Variants in WNK1 observed in about 807,000 individuals in gnomAD.
WNK1 encodes the protein WNK lysine deficient protein kinase 1.
WNK1 carries 38 observed loss-of-function variants against 222.8 expected under a neutral mutation model. The observed-to-expected ratio is 0.17, with a 90% CI of 0.13 to 0.22. The LOEUF (loss-of-function observed/expected upper bound fraction) is 0.22. Among genes scored for constraint, WNK1 ranks in the 10% least tolerant of loss-of-function variants. The probability of loss-of-function intolerance (pLI) is 1.00; values close to 1 mark genes in which losing one functional copy is unlikely to be tolerated. For synonymous variants in WNK1, 1,090 were observed against 1,092.9 expected (o/e 1.00, Z 0.05); for missense variants, 2,348 against 2,918.4 (o/e 0.80, Z 4.50).
At chr12:881,279 C>T (rs1419853316) in intron 12 of WNK1, among the ~76,000 whole-genome samples, 1 of 152,206 alleles carries the variant, frequency 6.6e-6, no homozygotes, top group Non-Finnish European at 1.5e-5. Context: ...CTTGTCCTTT[C>T]ACAAACTTTT....
chr12:866,842 G>T lies in WNK1; in HGVS notation c.2140-4423G>T, dbSNP rs146074864. 2.1e-3 allele frequency among the ~76,000 whole-genome samples: 315 copies of T among 152,170 alleles called. 2 individuals are homozygous for T. The highest frequency in any genetic ancestry group is 4.2e-3 in the South Asian group (20 of 4,816). The stretch of plus-strand genomic sequence containing the variant: ...TCAGAATCAGAAAATTCATGGTTAC[G>T]GCCGGGCTCAGTGGCTCACGCCTGT... On this transcript the variant is annotated intron_variant, in intron 8 of 27. Transcript: ENST00000315939.
At chr12:770,521 G>A (rs766326594) in intron 1 of WNK1, among the ~76,000 whole-genome samples, 1 of 151,772 alleles carries the variant, frequency 6.6e-6, no homozygotes, top group African/African-American at 2.4e-5. Flanking sequence ...ATTTCATTTA[G>A]CTCACATTAT....
chr12:826,267 T>C (rs1948352390), intron 2 of WNK1, among the ~76,000 whole-genome samples: 1 of 152,250 alleles, frequency 6.6e-6, no homozygotes, highest in African/African-American at 2.4e-5. Context: ...TTTTTTATTT[T>C]AGTTAATCTA....
At chr12:862,353 A>G in intron 8 of WNK1, 83 bp downstream of exon 8, 3 of 1,430,230 alleles carry the variant, frequency 2.1e-6, no homozygotes, top group Non-Finnish European at 2.9e-6. Flanking sequence ...GTACAAACCA[A>G]GTAACAGTAT....
Position 887,206 on chromosome 12 carries a change from C to T in WNK1, c.5281-15C>T. On this transcript the variant is annotated splice_polypyrimidine_tract_variant and intron_variant, in intron 19 of 27. Coordinates refer to ENST00000315939, the MANE Select transcript of WNK1 (RefSeq NM_018979.4). ...TAGCGTCTCACGGACTTGATTTTCC[C>T]TTTGTTGTCTGTAGGTGCTGCCAGT... The T allele has an allele frequency of 1.9e-6, 3 of 1,613,946 alleles. No homozygotes were observed. The East Asian group carries it at 6.7e-5, about 36-fold the overall frequency.
chr12:876,083 C>T (rs1952581129), intron 9 of WNK1, among the ~76,000 whole-genome samples: 1 of 152,102 alleles, frequency 6.6e-6, no homozygotes, highest in Non-Finnish European at 1.5e-5. Flanking sequence ...ATTCAGCAGC[C>T]ATTTCTGCTT....
chr12:880,736 C>T lies in WNK1; in HGVS notation c.2848C>T (p.Leu950=), dbSNP rs1490063199. The T allele has an allele frequency of 7.4e-6, 12 of 1,613,730 alleles. No individual in the cohort carries two copies. In the South Asian group the frequency reaches 8.8e-5, roughly 12 times the overall value. ...TCTGTCACAGGGCTTCCCACCTCGACTGCCACCACAGTACCCAGGAGATTC... is the reference window on the plus strand; with the variant it reads ...TCTGTCACAGGGCTTCCCACCTCGATTGCCACCACAGTACCCAGGAGATTC... ...DVLYQGFPPR[L]PPQYPGDSNI... Residue 950 remains leucine (L), a synonymous_variant, in exon 12 of 28, where the codon CTG becomes TTG. Coordinates refer to ENST00000315939, the MANE Select transcript of WNK1 (RefSeq NM_018979.4).
rs762015494 is a variant in WNK1 at position 869,105 on chromosome 12, G to T, written c.2140-2160G>T. ...AGGAGGATCTGCACTTCATCCACAG[G>T]TTATAGGAAAACTTCCACAATTATT... is the stretch of plus-strand genomic sequence containing the variant. On this transcript the variant is annotated intron_variant, in intron 8 of 27. Coordinates refer to ENST00000315939, the MANE Select transcript of WNK1 (RefSeq NM_018979.4). 5.4e-5 allele frequency: 87 copies of T among 1,613,820 alleles called. No homozygotes were observed. Among genetic ancestry groups the T allele is most frequent in the Non-Finnish European group, 6.8e-5 (80 of 1,179,872 alleles).
intron 4 of WNK1, 33 bp from the exon 5 acceptor site, chr12:857,128 T>C: frequency 3.7e-6 from 6 of 1,605,072 alleles, no homozygotes. Flanking sequence ...AAGGCCCTGC[T>C]TTTATTAATG....
chr12:757,709 G>C lies in WNK1; in HGVS notation c.759+3385G>C, dbSNP rs963163124. Among the ~76,000 whole-genome samples, 22 of 148,618 alleles carry C rather than the reference G, an allele frequency of 1.5e-4. 2 individuals carry two copies. Among genetic ancestry groups the C allele is most frequent in the Admixed American group, 1.5e-3 (22 of 15,044 alleles). ...CATTGCTTTTCTAGAAAGGGATCTG[G>C]TTTTTCAAAAAAGATAGCATAATTT... On this transcript the variant is annotated intron_variant, in intron 1 of 27. Transcript: ENST00000315939.
chr12:828,938 G>T (rs1423284225), intron 3 of WNK1, among the ~76,000 whole-genome samples: 1 of 152,128 alleles, frequency 6.6e-6, no homozygotes, highest in Non-Finnish European at 1.5e-5. Flanking sequence ...CAAAAACAGT[G>T]TTCTCCTTGG....
chr12:788,835 C>T (rs1401009591), intron 1 of WNK1, among the ~76,000 whole-genome samples: 1 of 150,056 alleles, frequency 6.7e-6, no homozygotes, highest in Non-Finnish European at 1.5e-5. Flanking sequence ...TGCAGTGAGC[C>T]GAGATCGTGC....
intron 1 of WNK1, among the ~76,000 whole-genome samples, chr12:787,774 C>G (rs978070483): frequency 2.6e-5 from 4 of 151,792 alleles, no homozygotes; most frequent in Non-Finnish European, 5.9e-5. Context: ...TCAGGACAGG[C>G]ACAACAAAAA....
Position 881,922 on chromosome 12 carries a change from A to G in WNK1, c.3221A>G (p.Asp1074Gly), listed in dbSNP as rs774268901. 1.2e-6 allele frequency: 2 copies of G among 1,614,022 alleles called. No homozygotes were observed. Among genetic ancestry groups the G allele is most frequent in the Non-Finnish European group, 1.7e-6 (2 of 1,180,034 alleles). The change falls in exon 14 of 28, where the codon GAT becomes GGT. Residue 1074 changes from aspartate to glycine, a missense_variant. Asp to Gly is a moderately conservative substitution (Grantham distance 94). Transcript: ENST00000315939. ...TTTAAATTTCAAAGTGCACATTCAG[A>G]TGTTGCTTCAGGTATGAGTGATGGC... ...LASSVDSAHS[D>G]VASGMSDGNE...
intron 13 of WNK1, 25 bp from the exon 14 acceptor site, chr12:881,886 T>C: frequency 6.2e-7 from 1 of 1,613,658 alleles, no homozygotes; most frequent in South Asian, 1.1e-5. Flanking sequence ...TAAACTGCAC[T>C]TTTTTTTCTT....
intron 2 of WNK1, among the ~76,000 whole-genome samples, chr12:820,776 A>G (rs565730210): frequency 4.6e-5 from 7 of 152,190 alleles, no homozygotes; most frequent in Admixed American, 1.3e-4. Context: ...ACACCTAGCC[A>G]TTCTTTGGGA....
chr12:770,124 G>A (rs1467526591), intron 1 of WNK1, among the ~76,000 whole-genome samples: 2 of 152,030 alleles, frequency 1.3e-5, no homozygotes, highest in South Asian at 2.1e-4. Flanking sequence ...ACAGGCATGC[G>A]CCACCATGTC....
intron 8 of WNK1, among the ~76,000 whole-genome samples, chr12:864,282 A>G (rs1335345835): frequency 6.6e-6 from 1 of 151,010 alleles, no homozygotes; most frequent in South Asian, 2.1e-4. Context: ...TAATTTTTGT[A>G]TTTTTTTTAG....
chr12:811,251 AAT>A (rs994417665), intron 1 of WNK1, among the ~76,000 whole-genome samples: 12 of 152,204 alleles, frequency 7.9e-5, no homozygotes, highest in African/African-American at 2.9e-4. Flanking sequence ...ATATTTAAAC[AAT>A]ATATGGTTCC....
Sources: gnomAD v4.1 joint callset for allele counts (sites outside exome capture counted in the v4.1 genomes callset) on GRCh38, gnomAD v4.1.1 for gene constraint, MANE v1.5 for transcripts, NCBI Gene and HGNC (gene_info 2026-07-23, HGNC 2026-07-21) for gene names.